The following MAML2 variants were observed in gnomAD, a reference collection of about 807,000 sequenced individuals.
MAML2 encodes mastermind-like protein 2.
Under a neutral mutation model 96.1 loss-of-function variants are expected in MAML2, and 22 were observed. The observed-to-expected ratio is 0.23, with a 90% CI of 0.16 to 0.33. The LOEUF (loss-of-function observed/expected upper bound fraction) is 0.33, where lower values mean the gene tolerates loss of function less well. Among genes scored for constraint, MAML2 ranks in the 10% least tolerant of loss-of-function variants. The probability of loss-of-function intolerance (pLI) is 1.00; values close to 1 mark genes in which losing one functional copy is unlikely to be tolerated. For missense variants in MAML2, 1,367 were observed against 1,392.4 expected, an observed-to-expected ratio of 0.98 and a Z score of 0.29; for synonymous variants, 561 against 521.3, an observed-to-expected ratio of 1.08 and a Z score of -1.04.
At chr11:96,251,542 G>A (rs1024130899) in intron 1 of MAML2, among the ~76,000 whole-genome samples, 1 of 152,100 alleles carries the variant, frequency 6.6e-6, no homozygotes, top group Admixed American at 6.5e-5. Context: ...GTAGTAAGTA[G>A]GATTACTAAA....
At chr11:96,155,551 T>TATATATATATATATATAA in intron 1 of MAML2, among the ~76,000 whole-genome samples, 1 of 129,764 alleles carries the variant, frequency 7.7e-6, no homozygotes, top group Non-Finnish European at 1.6e-5. Flanking sequence ...TATATATATA[T>TATATATATATATATATAA]GAGGAAAGTC....
intron 1 of MAML2, among the ~76,000 whole-genome samples, chr11:96,168,428 T>C (rs1457393554): frequency 6.6e-6 from 1 of 152,098 alleles, no homozygotes; most frequent in African/African-American, 2.4e-5. Flanking sequence ...ATGAAAATGG[T>C]GAGGAGAGAT....
intron 1 of MAML2, among the ~76,000 whole-genome samples, chr11:96,175,606 T>A (rs1261189342): frequency 1.3e-5 from 2 of 152,186 alleles, no homozygotes; most frequent in Non-Finnish European, 2.9e-5. Context: ...TGTTTTTTTT[T>A]AGATGGAGTG....
chr11:96,207,395 T>C (rs879552635), intron 1 of MAML2, among the ~76,000 whole-genome samples: 1 of 152,226 alleles, frequency 6.6e-6, no homozygotes, highest in Non-Finnish European at 1.5e-5. Flanking sequence ...TCTTTAATGA[T>C]ATTGCTTCAT....
intron 1 of MAML2, among the ~76,000 whole-genome samples, chr11:96,099,183 G>T (rs529968272): frequency 6.6e-6 from 1 of 152,166 alleles, no homozygotes; most frequent in South Asian, 2.1e-4. Context: ...CTTTCCTCGG[G>T]CTATTTTACT....
At chr11:96,131,438 T>A (rs1428918040) in intron 1 of MAML2, among the ~76,000 whole-genome samples, 1 of 152,138 alleles carries the variant, frequency 6.6e-6, no homozygotes, top group Non-Finnish European at 1.5e-5. Flanking sequence ...AGCTGACATA[T>A]ATAGAACATA....
chr11:95,993,566 G>A (rs1372455263), intron 2 of MAML2, among the ~76,000 whole-genome samples: 1 of 152,124 alleles, frequency 6.6e-6, no homozygotes, highest in Admixed American at 6.5e-5. Flanking sequence ...GCAAGACTCT[G>A]TCTCAAAACA....
At chr11:96,102,186 A>G (rs1815767) in intron 1 of MAML2, among the ~76,000 whole-genome samples, 84,114 of 152,018 alleles carry the variant, frequency 0.55, 24,291 homozygotes, top group Middle Eastern at 0.79. Flanking sequence ...TGAGGCAGGA[A>G]AACGGCGTGA....
At chr11:96,295,789 G>A (rs1306806906) in intron 1 of MAML2, among the ~76,000 whole-genome samples, 1 of 148,360 alleles carries the variant, frequency 6.7e-6, no homozygotes, top group Non-Finnish European at 1.5e-5. Flanking sequence ...AAACAATAAA[G>A]AAGTAGCTTC....
intron 1 of MAML2, among the ~76,000 whole-genome samples, chr11:96,227,829 C>T (rs1862236743): frequency 6.6e-6 from 1 of 152,334 alleles, no homozygotes; most frequent in African/African-American, 2.4e-5. Context: ...CGGCCAGGTG[C>T]AGTGGCTCAT....
chr11:96,030,009 G>C (rs971609446), intron 2 of MAML2, among the ~76,000 whole-genome samples: 5 of 152,118 alleles, frequency 3.3e-5, no homozygotes, highest in Admixed American at 6.5e-5. Flanking sequence ...CAAGGTGGGT[G>C]GATCACGAGG....
At chr11:96,190,149 T>G (rs1361354018) in intron 1 of MAML2, among the ~76,000 whole-genome samples, 1 of 152,232 alleles carries the variant, frequency 6.6e-6, no homozygotes, top group Non-Finnish European at 1.5e-5. Context: ...TATCCTAGTA[T>G]ACAAAATGTG....
chr11:96,035,659 A>T (rs1399740804), intron 2 of MAML2, among the ~76,000 whole-genome samples: 1 of 152,204 alleles, frequency 6.6e-6, no homozygotes, highest in African/African-American at 2.4e-5. Flanking sequence ...GACAGGGAAG[A>T]TTACTGCTGT....
intron 1 of MAML2, among the ~76,000 whole-genome samples, chr11:96,258,496 G>A (rs1862699993): frequency 1.3e-5 from 2 of 152,200 alleles, no homozygotes; most frequent in South Asian, 4.1e-4. Flanking sequence ...GAGCTGGGAG[G>A]TGAACGTCCT....
chr11:96,215,951 AATT>A (rs1862043416), intron 1 of MAML2, among the ~76,000 whole-genome samples: 1 of 152,162 alleles, frequency 6.6e-6, no homozygotes, highest in Non-Finnish European at 1.5e-5. Flanking sequence ...CATTTCAAAA[AATT>A]ATTATCTAAA....
intron 1 of MAML2, among the ~76,000 whole-genome samples, chr11:96,297,438 G>T (rs1339751826): frequency 1.3e-5 from 2 of 151,996 alleles, no homozygotes; most frequent in African/African-American, 4.8e-5. Context: ...AGCTGGGTGT[G>T]GTGGTGCATG....
chr11:96,162,592 TC>T (rs1204261877), intron 1 of MAML2, among the ~76,000 whole-genome samples: 1 of 151,236 alleles, frequency 6.6e-6, no homozygotes, highest in Non-Finnish European at 1.5e-5. Context: ...ATGCCGGTAA[TC>T]CCAGCTACTC....
chr11:96,196,861 T>A (rs1209031239), intron 1 of MAML2, among the ~76,000 whole-genome samples: 1 of 147,228 alleles, frequency 6.8e-6, no homozygotes, highest in Admixed American at 6.9e-5. Flanking sequence ...CCAATGGTTC[T>A]CCCCCAACCA....
At chr11:96,141,031 C>G (rs1860722095) in intron 1 of MAML2, among the ~76,000 whole-genome samples, 1 of 152,074 alleles carries the variant, frequency 6.6e-6, no homozygotes, top group African/African-American at 2.4e-5. Flanking sequence ...ATAAGTATGT[C>G]TCATGTAATA....
Sources: allele counts gnomAD v4.1 joint callset (sites outside exome capture counted in the v4.1 genomes callset), GRCh38; gene constraint gnomAD v4.1.1; transcripts MANE v1.5; gene names NCBI Gene and HGNC (gene_info 2026-07-23, HGNC 2026-07-21).